The following CDH23 variants were observed in gnomAD, a reference collection of about 807,000 sequenced individuals.
CDH23 encodes the protein cadherin related 23.
A neutral mutation model predicts 317.1 loss-of-function variants in CDH23; 189 were observed. That is an observed-to-expected ratio of 0.60 (90% CI 0.53 to 0.67). The LOEUF (loss-of-function observed/expected upper bound fraction) is 0.67, where lower values mean the gene tolerates loss of function less well. Ranked by LOEUF, CDH23 falls within the 30% of genes least tolerant of loss-of-function variation. The probability of loss-of-function intolerance (pLI) is 0.00; values close to 1 mark genes in which losing one functional copy is unlikely to be tolerated. For synonymous variants in CDH23, 1,839 were observed against 1,876.8 expected, an observed-to-expected ratio of 0.98 and a Z score of 0.52; for missense variants, 4,401 against 4,592.4, an observed-to-expected ratio of 0.96 and a Z score of 1.20.
Position 71,741,689 on chromosome 10 carries a change from C to T in CDH23, c.4618-5C>T, listed in dbSNP as rs1407494069. The T allele has an allele frequency of 5.0e-6, 8 of 1,603,056 alleles. No individual in the cohort carries two copies. Among genetic ancestry groups the T allele is most frequent in the Non-Finnish European group, 6.8e-6 (8 of 1,174,392 alleles). ...AGAATGACTGCTCTCCTGCTCTCCT[C>T]CCAGAACGTGGGTGGAGGTACTGCT... On this transcript the variant is annotated splice_region_variant and splice_polypyrimidine_tract_variant and intron_variant, in intron 37 of 69. Coordinates refer to ENST00000224721, the MANE Select transcript of CDH23 (RefSeq NM_022124.6).
chr10:71,662,901 G>A (rs1863737611), intron 14 of CDH23, among the ~76,000 whole-genome samples: 1 of 152,190 alleles, frequency 6.6e-6, no homozygotes, highest in Non-Finnish European at 1.5e-5. Context: ...TCCTCCTCAG[G>A]CTGAGCGGAG....
chr10:71,611,408 G>A (rs987419178), intron 9 of CDH23, among the ~76,000 whole-genome samples: 8 of 152,216 alleles, frequency 5.3e-5, no homozygotes, highest in African/African-American at 1.9e-4. Context: ...TGGCAAAAGT[G>A]TGGGGTTGGC....
intron 1 of CDH23, among the ~76,000 whole-genome samples, chr10:71,422,860 C>T (rs1848877017): frequency 6.6e-6 from 1 of 152,174 alleles, no homozygotes; most frequent in African/African-American, 2.4e-5. Flanking sequence ...TGCTTACCTG[C>T]TGCTACCACA....
intron 32 of CDH23, among the ~76,000 whole-genome samples, 183 bp from the exon 33 acceptor site, chr10:71,734,057 G>A (rs7069461): frequency 7.9e-5 from 12 of 152,200 alleles, no homozygotes; most frequent in African/African-American, 2.9e-4. Flanking sequence ...AAGCAGGAAG[G>A]CTTCATGGAA....
chr10:71,505,770 T>C (rs957910280), intron 3 of CDH23, among the ~76,000 whole-genome samples: 2 of 152,160 alleles, frequency 1.3e-5, no homozygotes, highest in Non-Finnish European at 2.9e-5. Flanking sequence ...CCAGGCCTCA[T>C]CCATTGCTGG....
chr10:71,809,733 GC>G, intron 60 of CDH23, 86 bp from the exon 61 acceptor site: 1 of 1,539,372 alleles, frequency 6.5e-7, no homozygotes, highest in Non-Finnish European at 8.7e-7. Context: ...CCCTAGATGT[GC>G]CCACCTACCC....
chr10:71,597,561 C>A (rs1214347041), intron 9 of CDH23, among the ~76,000 whole-genome samples: 2 of 151,988 alleles, frequency 1.3e-5, no homozygotes, highest in Non-Finnish European at 2.9e-5. Flanking sequence ...TGGAACCTAC[C>A]TCCCAAGGAG....
chr10:71,720,965 C>A (rs969538154), intron 28 of CDH23, among the ~76,000 whole-genome samples: 7 of 152,208 alleles, frequency 4.6e-5, no homozygotes, highest in Non-Finnish European at 7.3e-5. Flanking sequence ...TTTCAATGCC[C>A]AGAGTCCCCA....
At chr10:71,726,364 C>A (rs1866810883) in intron 30 of CDH23, among the ~76,000 whole-genome samples, 1 of 152,168 alleles carries the variant, frequency 6.6e-6, no homozygotes, top group South Asian at 2.1e-4. Flanking sequence ...CCCCCTGCTT[C>A]CCCCAGGCTG....
intron 48 of CDH23, among the ~76,000 whole-genome samples, chr10:71,794,996 A>G (rs1037763605): frequency 2.0e-5 from 3 of 152,218 alleles, no homozygotes; most frequent in Non-Finnish European, 4.4e-5. Context: ...AATTAGACAC[A>G]CACAGAGCAA....
chr10:71,569,063 G>A (rs542407211), intron 7 of CDH23, among the ~76,000 whole-genome samples: 2 of 152,214 alleles, frequency 1.3e-5, no homozygotes, highest in Non-Finnish European at 2.9e-5. Flanking sequence ...AGCCCTGGGT[G>A]CCTGGTGGTC....
intron 9 of CDH23, among the ~76,000 whole-genome samples, chr10:71,605,689 T>C (rs1589255670): frequency 6.6e-6 from 1 of 152,378 alleles, no homozygotes; most frequent in African/African-American, 2.4e-5. Flanking sequence ...ATCTGTTTTT[T>C]CAAGTTACAA....
intron 9 of CDH23, among the ~76,000 whole-genome samples, chr10:71,604,776 G>A (rs1860432101): frequency 6.6e-6 from 1 of 152,218 alleles, no homozygotes; most frequent in African/African-American, 2.4e-5. Flanking sequence ...CCCTCAGCAG[G>A]ACTGGGCCCC....
chr10:71,645,309 C>T (rs770077552), intron 12 of CDH23, among the ~76,000 whole-genome samples: 2 of 152,230 alleles, frequency 1.3e-5, no homozygotes, highest in Non-Finnish European at 2.9e-5. Context: ...ATTCCCATTT[C>T]ACATGTCAGC....
Position 71,725,483 on chromosome 10 carries a change from A to G in CDH23, c.3542A>G (p.Tyr1181Cys), listed in dbSNP as rs754513547. 7 of 1,613,770 alleles carry G rather than the reference A, an allele frequency of 4.3e-6. No homozygotes were observed. Among genetic ancestry groups the G allele is most frequent in the South Asian group, 1.1e-5 (1 of 91,054 alleles). ...NSSHVLIVEA[Y>C]NHDLGPMRSS... ...TCCCACGTGCTGATAGTGGAGGCCT[A>G]CAACCACGACCTGGGCCCCATGCGG... Residue 1181 changes from tyrosine (Y) to cysteine (C), a missense_variant, in exon 30 of 70, where the codon TAC becomes TGC. By Grantham distance (194) the Tyr-to-Cys change is radical. This residue lies in a region of CDH23 where 3,068 missense variants were observed against 3,203.3 expected (regional missense o/e 0.96). Coordinates refer to ENST00000224721, the MANE Select transcript of CDH23 (RefSeq NM_022124.6).
At chr10:71,656,013 C>A (rs1040612202) in intron 14 of CDH23, among the ~76,000 whole-genome samples, 3 of 152,096 alleles carry the variant, frequency 2.0e-5, no homozygotes, top group African/African-American at 7.2e-5. Context: ...GCTGTGTGAC[C>A]CTGTCCCATT....
intron 9 of CDH23, among the ~76,000 whole-genome samples, chr10:71,583,618 T>A (rs1858810761): frequency 6.6e-6 from 1 of 152,138 alleles, no homozygotes; most frequent in Admixed American, 6.5e-5. Flanking sequence ...CAGAGCTCTG[T>A]CCTCTTTTCA....
At chr10:71,768,275 A>T (rs1840603274) in intron 38 of CDH23, among the ~76,000 whole-genome samples, 1 of 150,614 alleles carries the variant, frequency 6.6e-6, no homozygotes, top group Non-Finnish European at 1.5e-5. Flanking sequence ...GGTTGAAGCA[A>T]CTCTCCTGCC....
chr10:71,603,786 C>T (rs983624407), intron 9 of CDH23, among the ~76,000 whole-genome samples: 1 of 152,242 alleles, frequency 6.6e-6, no homozygotes, highest in Non-Finnish European at 1.5e-5. Context: ...AGCATGGTCA[C>T]TTAGTAACCA....
Sources: allele counts gnomAD v4.1 joint callset (sites outside exome capture counted in the v4.1 genomes callset), GRCh38; gene constraint gnomAD v4.1.1; regional missense constraint gnomAD v4.1.1; transcripts MANE v1.5; gene names NCBI Gene and HGNC (gene_info 2026-07-23, HGNC 2026-07-21).